Variants in RSU1 observed in about 807,000 individuals in gnomAD.
RSU1 encodes the protein rsu-1.
RSU1 carries 26 observed loss-of-function variants against 31.1 expected under a neutral mutation model. The observed-to-expected ratio is 0.84, with a 90% confidence interval of 0.61 to 1.16. RSU1 has a LOEUF of 1.16. Among genes scored for constraint, RSU1 ranks in the 50% most tolerant of loss-of-function variants. RSU1 has a pLI of 0.00. For synonymous variants in RSU1, 164 were observed against 136.3 expected, an observed-to-expected ratio of 1.20 and a Z score of -1.41; for missense variants, 320 against 339.1, an observed-to-expected ratio of 0.94 and a Z score of 0.44.
chr10:16,688,158 T>C (rs6602148), intron 8 of RSU1, among the ~76,000 whole-genome samples: 112,307 of 152,110 alleles, frequency 0.74, 42,344 homozygotes, highest in African/African-American at 0.89. Context: ...TGACACAATA[T>C]ACCCCAAATA....
chr10:16,764,382 A>T lies in RSU1; in HGVS notation c.281+8T>A, dbSNP rs751188092. The T allele has an allele frequency of 3.1e-6, 5 of 1,609,800 alleles. No individual in the cohort carries two copies. Among genetic ancestry groups the T allele is most frequent in the Non-Finnish European group, 4.2e-6 (5 of 1,177,792 alleles). On this transcript the variant is annotated splice_region_variant and intron_variant, in intron 4 of 8. Coordinates refer to ENST00000345264, the MANE Select transcript of RSU1 (RefSeq NM_012425.4). ...CCTCTCCATCCTTTCCGCTCCACTGATACTCACCCAAGGTTCAGGTGTTTG... is the reference window on the plus strand; with the variant it reads ...CCTCTCCATCCTTTCCGCTCCACTGTTACTCACCCAAGGTTCAGGTGTTTG...
At chr10:16,784,448 T>C (rs1422738710) in intron 2 of RSU1, among the ~76,000 whole-genome samples, 1 of 152,134 alleles carries the variant, frequency 6.6e-6, no homozygotes, top group Admixed American at 6.6e-5. Flanking sequence ...CTGCAGGCTG[T>C]ACAGGAAGCA....
chr10:16,653,537 AT>A lies in RSU1; in HGVS notation c.731+41485del, dbSNP rs757239812. On this transcript the variant is annotated intron_variant, in intron 8 of 8. Transcript: ENST00000345264. ...GAGAGCATGAACTGAAACAATCGAG[AT>A]TTTTTTTTCTTAAATATTCATTCAC... 5.5e-4 allele frequency among the ~76,000 whole-genome samples: 83 copies of A among 151,530 alleles called. 2 individuals are homozygous for A. Among genetic ancestry groups the A allele is most frequent in the Non-Finnish European group, 4.6e-4 (31 of 67,902 alleles).
intron 2 of RSU1, among the ~76,000 whole-genome samples, chr10:16,811,344 G>T (rs1838404357): frequency 6.6e-6 from 1 of 152,158 alleles, no homozygotes; most frequent in Non-Finnish European, 1.5e-5. Context: ...ATTAAGTAAT[G>T]CATGAGTGTT....
chr10:16,678,147 G>A (rs927154754), intron 8 of RSU1, among the ~76,000 whole-genome samples: 22 of 152,100 alleles, frequency 1.4e-4, no homozygotes, highest in African/African-American at 5.3e-4. Context: ...AAAGTCTTAG[G>A]TGGGAAAATA....
At chr10:16,617,891 C>G (rs1834005109) in intron 8 of RSU1, among the ~76,000 whole-genome samples, 1 of 152,176 alleles carries the variant, frequency 6.6e-6, no homozygotes, top group African/African-American at 2.4e-5. Flanking sequence ...TAGAAGAAAA[C>G]CTAGGCAATT....
chr10:16,719,644 G>C (rs901229793), intron 7 of RSU1, among the ~76,000 whole-genome samples: 34 of 152,004 alleles, frequency 2.2e-4, no homozygotes, highest in Admixed American at 8.5e-4. Flanking sequence ...ATTCCCTTTG[G>C]TCTGCTTTTC....
At chr10:16,624,205 C>A (rs183084737) in intron 8 of RSU1, among the ~76,000 whole-genome samples, 64 of 140,912 alleles carry the variant, frequency 4.5e-4, no homozygotes, top group African/African-American at 1.8e-3. Context: ...CAAGCTTGCA[C>A]ATGTGTGTGT....
At chr10:16,723,115 T>G (rs1413862229) in intron 7 of RSU1, 1 of 151,964 alleles carries the variant, frequency 6.6e-6, no homozygotes, top group Non-Finnish European at 1.5e-5. Flanking sequence ...CTGTATTAGT[T>G]GGCACATAAT....
Position 16,715,903 on chromosome 10 carries a change from C to T in RSU1, c.599-20748G>A, listed in dbSNP as rs968170787. ...AGATTGCTTTAGATAGTGTGATATA[C>T]TTCACTAATAGGTCAGAACAAGTAT... On this transcript the variant is annotated intron_variant, in intron 7 of 8. Transcript: ENST00000345264. Among the ~76,000 whole-genome samples the T allele has an allele frequency of 1.3e-4, 20 of 152,316 alleles. No individual in the cohort carries two copies. The East Asian group carries it at 3.7e-3, about 28-fold the overall frequency.
chr10:16,646,169 C>G (rs190241222), intron 8 of RSU1, among the ~76,000 whole-genome samples: 4 of 151,462 alleles, frequency 2.6e-5, no homozygotes, highest in South Asian at 2.1e-4. Flanking sequence ...TCTGGAACCA[C>G]TGGGCACAGC....
At chr10:16,795,025 C>CTGAG (rs1269640753) in intron 2 of RSU1, among the ~76,000 whole-genome samples, 2 of 152,180 alleles carry the variant, frequency 1.3e-5, no homozygotes, top group Non-Finnish European at 2.9e-5. Context: ...CTGTGTTGTG[C>CTGAG]TGAGCACTTT....
chr10:16,606,160 C>T (rs1259220160), intron 8 of RSU1, among the ~76,000 whole-genome samples: 1 of 152,166 alleles, frequency 6.6e-6, no homozygotes, highest in Admixed American at 6.5e-5. Context: ...CACTTTTGTA[C>T]AGTACCGTGA....
intron 8 of RSU1, among the ~76,000 whole-genome samples, chr10:16,637,212 T>A (rs1248762318): frequency 6.6e-6 from 1 of 152,154 alleles, no homozygotes; most frequent in Non-Finnish European, 1.5e-5. Context: ...CCACATGAAA[T>A]AAAAAGAGCA....
At chr10:16,593,700 G>A (rs112326501) in intron 8 of RSU1, among the ~76,000 whole-genome samples, 350 of 152,326 alleles carry the variant, frequency 2.3e-3, no homozygotes, top group African/African-American at 7.4e-3. Flanking sequence ...CATGATGTCC[G>A]ATCACGGACC....
At chr10:16,643,442 A>C (rs770536567) in intron 8 of RSU1, among the ~76,000 whole-genome samples, 6 of 152,224 alleles carry the variant, frequency 3.9e-5, no homozygotes, top group Non-Finnish European at 7.3e-5. Context: ...TAATGAATGC[A>C]TGACTTAAAA....
chr10:16,594,829 G>A (rs1257138664), intron 8 of RSU1, among the ~76,000 whole-genome samples: 1 of 145,948 alleles, frequency 6.9e-6, no homozygotes, highest in East Asian at 2.0e-4. Flanking sequence ...GTGTTGCCCA[G>A]GCTGGAGTGC....
rs1362477998 is a variant in RSU1, at chr10:16,695,653, G to A, written c.599-498C>T. On this transcript the variant is annotated intron_variant, in intron 7 of 8. Coordinates refer to ENST00000345264, the MANE Select transcript of RSU1 (RefSeq NM_012425.4). ...AAGTATAAGAGCATAAGCACATCTC[G>A]GAATCAGCCCTAAATGAATCTCATT... 5.9e-5 allele frequency among the ~76,000 whole-genome samples: 9 copies of A among 152,098 alleles called. No homozygotes were observed. The East Asian group carries it at 1.5e-3, about 26-fold the overall frequency.
intron 8 of RSU1, among the ~76,000 whole-genome samples, chr10:16,662,907 T>C (rs371878035): frequency 4.6e-5 from 7 of 151,650 alleles, no homozygotes; most frequent in East Asian, 3.9e-4. Flanking sequence ...AATTTGACTA[T>C]AGTCCATGAC....
Sources: gnomAD v4.1 joint callset for allele counts (sites outside exome capture counted in the v4.1 genomes callset) on GRCh38, gnomAD v4.1.1 for gene constraint, MANE v1.5 for transcripts, NCBI Gene and HGNC (gene_info 2026-07-23, HGNC 2026-07-21) for gene names.